The following SYBU variants were observed in gnomAD, a reference collection of about 807,000 sequenced individuals.
SYBU encodes the protein GOLSYN A protein.
In SYBU, 21 loss-of-function variants were observed where a neutral mutation model predicts 35.9. The observed-to-expected ratio is 0.58, with a 90% CI of 0.41 to 0.84. The LOEUF (loss-of-function observed/expected upper bound fraction) is 0.84, where lower values mean the gene tolerates loss of function less well. Ranked by LOEUF, SYBU falls within the 40% of genes least tolerant of loss-of-function variation. SYBU has a pLI of 0.00. For synonymous variants in SYBU, 319 were observed against 324.3 expected (o/e 0.98, Z 0.18); for missense variants, 768 against 848.2 (o/e 0.91, Z 1.17).
intron 1 of SYBU, among the ~76,000 whole-genome samples, chr8:109,676,187 A>G (rs1424218587): frequency 6.6e-6 from 1 of 152,194 alleles, no homozygotes; most frequent in Non-Finnish European, 1.5e-5. Flanking sequence ...AATATACTGA[A>G]TGGGGAAAAG....
At chr8:109,589,732 G>T (rs937684647) in intron 3 of SYBU, among the ~76,000 whole-genome samples, 1 of 152,166 alleles carries the variant, frequency 6.6e-6, no homozygotes, top group African/African-American at 2.4e-5. Flanking sequence ...AAAAGAATAC[G>T]TGCCCAAACT....
Position 109,575,381 on chromosome 8 carries a change from A to T in SYBU, c.1517T>A (p.Val506Glu). ...SPAISELIQSVLQKLQDPCPS... is the reference protein window; with the variant it reads ...SPAISELIQSELQKLQDPCPS... ...ACAGGGGTCCTGGAGCTTCTGCAGC[A>T]CACTCTGAATGAGCTCTGAGATGGC... is the stretch of plus-strand genomic sequence containing the variant. The change falls in exon 7 of 7, where the codon GTG (valine) becomes GAG (glutamate). Residue 506 changes from valine (V) to glutamate (E), a missense_variant. By Grantham distance (121) the Val-to-Glu change is moderately radical. Transcript: ENST00000276646. The T allele has an allele frequency of 6.2e-7, 1 of 1,614,132 alleles. No homozygotes were observed. The highest frequency in any genetic ancestry group is 8.5e-7 in the Non-Finnish European group (1 of 1,180,028).
At chr8:109,664,849 A>C in intron 1 of SYBU, among the ~76,000 whole-genome samples, 1 of 152,190 alleles carries the variant, frequency 6.6e-6, no homozygotes, top group Non-Finnish European at 1.5e-5. Flanking sequence ...CCATTCTGAT[A>C]ATAAAACCCT....
intron 5 of SYBU, 103 bp from the exon 6 acceptor site, chr8:109,578,120 G>T: frequency 1.6e-6 from 2 of 1,281,020 alleles, no homozygotes; most frequent in Non-Finnish European, 2.1e-6. Flanking sequence ...TGTCCCTCCA[G>T]AATTCATATG....
At chr8:109,589,649 C>T (rs1586755384) in intron 3 of SYBU, among the ~76,000 whole-genome samples, 1 of 152,070 alleles carries the variant, frequency 6.6e-6, no homozygotes, top group African/African-American at 2.4e-5. Context: ...TTATTTATAA[C>T]GTTAGGATAA....
intron 1 of SYBU, among the ~76,000 whole-genome samples, chr8:109,651,400 T>A (rs1816128725): frequency 6.6e-6 from 1 of 151,672 alleles, no homozygotes; most frequent in South Asian, 2.1e-4. Flanking sequence ...GAAAATGTAG[T>A]TTAATAAAGG....
intron 1 of SYBU, among the ~76,000 whole-genome samples, chr8:109,651,475 T>G (rs532568095): frequency 2.3e-5 from 3 of 129,062 alleles, no homozygotes; most frequent in South Asian, 5.2e-4. Context: ...TTTTTTTTTT[T>G]GCTCTGACAG....
chr8:109,669,174 C>T (rs147569825), intron 1 of SYBU, among the ~76,000 whole-genome samples: 2,636 of 151,776 alleles, frequency 0.017, 84 homozygotes, highest in African/African-American at 0.059. Flanking sequence ...AACCCCGTCT[C>T]TACTAAAAAT....
chr8:109,593,343 C>T (rs530969049), intron 3 of SYBU, among the ~76,000 whole-genome samples: 1 of 152,276 alleles, frequency 6.6e-6, no homozygotes, highest in African/African-American at 2.4e-5. Context: ...GGAAGAAATT[C>T]ACGGGCAAAG....
intron 1 of SYBU, among the ~76,000 whole-genome samples, chr8:109,674,855 A>G (rs1399400571): frequency 6.6e-6 from 1 of 152,224 alleles, no homozygotes; most frequent in African/African-American, 2.4e-5. Context: ...TCTCAGCACC[A>G]TATCACACTT....
rs1040726571 is a variant in SYBU, at chr8:109,620,188, C to T, written c.230-1149G>A. Among the ~76,000 whole-genome samples the T allele has an allele frequency of 7.2e-5, 11 of 152,320 alleles. No homozygotes were observed. In the South Asian group the frequency reaches 2.3e-3, roughly 32 times the overall value. On this transcript the variant is annotated intron_variant, in intron 2 of 6. Transcript: ENST00000276646. ...TCAGTATTACTTAAAAGTACATCTA[C>T]TCAAACTGATCAGTTAGTGGTAAAT...
chr8:109,618,957 G>T lies in SYBU; in HGVS notation c.312C>A (p.Cys104Ter). 6.2e-7 allele frequency: 1 copy of T among 1,614,108 alleles called. No individual in the cohort carries two copies. The highest frequency in any genetic ancestry group is 8.5e-7 in the Non-Finnish European group (1 of 1,179,978). Reference sequence around the variant, plus strand: ...TGGTGAAGCCTTCATCACTTCCAGGGCAAAAGCCAATGGGGCTGTTTCCAG... The same window carrying T: ...TGGTGAAGCCTTCATCACTTCCAGGTCAAAAGCCAATGGGGCTGTTTCCAG... Reference protein sequence around the residue: ...SDAGNSPIGFCPGSDEGFTRK... With the variant: ...SDAGNSPIGF The change falls in exon 3 of 7, where the codon TGC becomes TGA. Residue 104 changes from cysteine (C) to a stop codon, truncating the protein, a stop_gained. Transcript: ENST00000276646. LOFTEE classifies it high-confidence loss of function.
rs1022085646 is a variant in SYBU at position 109,584,046 on chromosome 8, G to A, written c.530+2014C>T. ...TTAGCCAGGCTGGTCTTGAACTCCTGAACTCAGTTGATCCATCCGCCTTGG... is the reference window on the plus strand; with the variant it reads ...TTAGCCAGGCTGGTCTTGAACTCCTAAACTCAGTTGATCCATCCGCCTTGG... On this transcript the variant is annotated intron_variant, in intron 4 of 6. Coordinates refer to ENST00000276646, the MANE Select transcript of SYBU (RefSeq NM_001099754.2). This position sits in a 1 kb window ranked among gnomAD's most constrained non-coding sequence, Gnocchi z 4.0. Among the ~76,000 whole-genome samples, 9 of 151,360 alleles carry A rather than the reference G, an allele frequency of 5.9e-5. No individual in the cohort carries two copies. Among genetic ancestry groups the A allele is most frequent in the Non-Finnish European group, 1.3e-4 (9 of 67,936 alleles).
chr8:109,579,985 C>T lies in SYBU; in HGVS notation c.548G>A (p.Arg183Gln), dbSNP rs750183444. 49 of 1,612,902 alleles carry T rather than the reference C, an allele frequency of 3.0e-5. No individual in the cohort carries two copies. Among genetic ancestry groups the T allele is most frequent in the East Asian group, 6.7e-5 (3 of 44,882 alleles). Residue 183 changes from arginine (R) to glutamine (Q), a missense_variant, in exon 5 of 7, where the codon CGG becomes CAG. Transcript: ENST00000276646. ...CTTGTGTGACGAAGCTCCATTACTC[C>T]GCCCATGAGGACCTCGACTGGGAGA... is the stretch of plus-strand genomic sequence containing the variant. ...SSSRNRGPHG[R>Q]SNGASSHKPG...
At chr8:109,613,151 C>T (rs1433012155) in intron 3 of SYBU, among the ~76,000 whole-genome samples, 1 of 152,164 alleles carries the variant, frequency 6.6e-6, no homozygotes, top group Non-Finnish European at 1.5e-5. Flanking sequence ...CCTCCTAGAG[C>T]AACTATTCCT....
chr8:109,645,189 A>C (rs902382713), upstream of SYBU: 2 of 456,650 alleles, frequency 4.4e-6, no homozygotes, highest in African/African-American at 4.0e-5. Flanking sequence ...AAATAGAGAA[A>C]GTTTTCCCCT....
chr8:109,624,030 T>C (rs1377515008), intron 2 of SYBU, among the ~76,000 whole-genome samples: 4 of 152,180 alleles, frequency 2.6e-5, no homozygotes. Context: ...CCCTGGAACT[T>C]GCTAGGCTAG....
chr8:109,689,095 C>A lies in SYBU; in HGVS notation c.-58+2238G>T, dbSNP rs555102121. On this transcript the variant is annotated intron_variant, in intron 1 of 7. Transcript: ENST00000422135. ...TATACATTCAGATTTAGAAAAATGG[C>A]CAATGTTGGAATTTGATGTACTTAC... is the stretch of plus-strand genomic sequence containing the variant. Among the ~76,000 whole-genome samples the A allele has an allele frequency of 2.0e-5, 3 of 151,826 alleles. No homozygotes were observed. In the South Asian group the frequency reaches 6.3e-4, roughly 32 times the overall value.
chr8:109,605,222 A>T (rs1825950078), intron 3 of SYBU, among the ~76,000 whole-genome samples: 1 of 152,208 alleles, frequency 6.6e-6, no homozygotes, highest in East Asian at 1.9e-4. Flanking sequence ...AAAGTGGGGC[A>T]TTATTTTGTT....
Sources: gnomAD v4.1 joint callset for allele counts (sites outside exome capture counted in the v4.1 genomes callset) on GRCh38, gnomAD v4.1.1 for gene constraint, Gnocchi (gnomAD v3.1) non-coding constraint, MANE v1.5 for transcripts, NCBI Gene and HGNC (gene_info 2026-07-23, HGNC 2026-07-21) for gene names.